KCNIP4: variants seen among roughly 807,000 people sequenced by gnomAD.
KCNIP4 encodes the protein potassium voltage-gated channel interacting protein 4.
A neutral mutation model predicts 34.0 loss-of-function variants in KCNIP4; 12 were observed. The ratio of observed to expected loss-of-function variants is 0.35; its 90% confidence interval spans 0.23 to 0.57. The LOEUF (loss-of-function observed/expected upper bound fraction) is 0.57, where lower values mean the gene tolerates loss of function less well. Ranked by LOEUF, KCNIP4 falls within the 20% of genes least tolerant of loss-of-function variation. The pLI, the probability that KCNIP4 is intolerant of heterozygous loss-of-function variation, is 0.83. For synonymous variants in KCNIP4, 124 were observed against 102.2 expected, an observed-to-expected ratio of 1.21 and a Z score of -1.29; for missense variants, 238 against 311.7, an observed-to-expected ratio of 0.76 and a Z score of 1.78.
chr4:21,503,034 T>G (rs749557864), intron 1 of KCNIP4, among the ~76,000 whole-genome samples: 21 of 152,322 alleles, frequency 1.4e-4, no homozygotes, highest in Non-Finnish European at 2.6e-4. Context: ...TCTTAGGAAC[T>G]GAGATTTATT....
intron 1 of KCNIP4, among the ~76,000 whole-genome samples, chr4:21,757,913 A>C (rs1162952654): frequency 6.6e-6 from 1 of 152,180 alleles, no homozygotes; most frequent in Non-Finnish European, 1.5e-5. Flanking sequence ...ATGAAAAGAC[A>C]TGCGTTGGTG....
chr4:21,738,139 T>TAAA (rs1716138075), intron 1 of KCNIP4, among the ~76,000 whole-genome samples: 1 of 136,482 alleles, frequency 7.3e-6, no homozygotes, highest in South Asian at 2.3e-4. Context: ...AAATAAATAA[T>TAAA]AAATAAAAGG....
At chr4:21,826,115 G>C (rs183349591) in intron 1 of KCNIP4, among the ~76,000 whole-genome samples, 2 of 152,262 alleles carry the variant, frequency 1.3e-5, no homozygotes, top group Admixed American at 1.3e-4. Flanking sequence ...TAAGGGATAA[G>C]GTTAGAAAGG....
intron 1 of KCNIP4, among the ~76,000 whole-genome samples, chr4:21,228,961 G>A (rs866545073): frequency 2.0e-5 from 3 of 152,122 alleles, no homozygotes; most frequent in Non-Finnish European, 4.4e-5. Flanking sequence ...TGGAATGTCT[G>A]TGCACGGTCA....
chr4:21,298,862 C>A (rs897774379), intron 1 of KCNIP4, among the ~76,000 whole-genome samples: 2 of 152,034 alleles, frequency 1.3e-5, no homozygotes, highest in South Asian at 2.1e-4. Flanking sequence ...TGTGGAAAAC[C>A]ATTAATGGAT....
At chr4:20,747,534 A>G (rs1238196158) in intron 5 of KCNIP4, among the ~76,000 whole-genome samples, 1 of 152,186 alleles carries the variant, frequency 6.6e-6, no homozygotes, top group African/African-American at 2.4e-5. Context: ...GGTACCCAGG[A>G]TAGTCTTCCC....
intron 1 of KCNIP4, among the ~76,000 whole-genome samples, chr4:21,386,029 A>G (rs1721996823): frequency 1.3e-5 from 2 of 152,182 alleles, no homozygotes; most frequent in South Asian, 4.1e-4. Flanking sequence ...TGTCTCTTTC[A>G]AAGGCTATAT....
At chr4:21,086,549 G>T (rs1746448707) in intron 1 of KCNIP4, among the ~76,000 whole-genome samples, 1 of 152,140 alleles carries the variant, frequency 6.6e-6, no homozygotes, top group Non-Finnish European at 1.5e-5. Context: ...TTTTTCTCAT[G>T]AAGTATAATT....
chr4:20,857,464 G>A (rs1231993955), intron 2 of KCNIP4, among the ~76,000 whole-genome samples: 1 of 149,108 alleles, frequency 6.7e-6, no homozygotes, highest in African/African-American at 2.5e-5. Flanking sequence ...CCCAGAGTGA[G>A]GTTTAATTGT....
chr4:21,460,433 G>A (rs963092503), intron 1 of KCNIP4, among the ~76,000 whole-genome samples: 5 of 151,966 alleles, frequency 3.3e-5, no homozygotes, highest in South Asian at 2.1e-4. Context: ...TTGCCATACC[G>A]AAATACCATA....
intron 1 of KCNIP4, among the ~76,000 whole-genome samples, chr4:21,657,649 T>C (rs982992596): frequency 6.6e-6 from 1 of 152,220 alleles, no homozygotes; most frequent in Non-Finnish European, 1.5e-5. Flanking sequence ...GTTGGACTTA[T>C]CTGTAAAATG....
In KCNIP4 at chr4:21,643,514, C is replaced by T. The variant is rs961752927; in HGVS notation, c.61+305057G>A. 1.6e-4 allele frequency among the ~76,000 whole-genome samples: 25 copies of T among 152,048 alleles called. No individual in the cohort carries two copies. The East Asian group carries it at 2.9e-3, about 18-fold the overall frequency. ...TGATGGTTAATTTTATATGTTAACACGGTTAAATGATGGTATCCAAATATT... is the reference window on the plus strand; with the variant it reads ...TGATGGTTAATTTTATATGTTAACATGGTTAAATGATGGTATCCAAATATT... On this transcript the variant is annotated intron_variant, in intron 1 of 8. Transcript: ENST00000382152.
At chr4:21,116,528 T>C (rs1281493817) in intron 1 of KCNIP4, among the ~76,000 whole-genome samples, 1 of 152,254 alleles carries the variant, frequency 6.6e-6, no homozygotes, top group African/African-American at 2.4e-5. Context: ...CTGGATAGCT[T>C]TTCTGTACTT....
chr4:20,754,165 A>G (rs1318829057), intron 4 of KCNIP4, among the ~76,000 whole-genome samples: 1 of 152,168 alleles, frequency 6.6e-6, no homozygotes, highest in African/African-American at 2.4e-5. Flanking sequence ...TACAGTAGGC[A>G]TACTTTATCC....
At chr4:21,765,828 A>AC (rs1214126463) in intron 1 of KCNIP4, among the ~76,000 whole-genome samples, 1 of 151,208 alleles carries the variant, frequency 6.6e-6, no homozygotes, top group Non-Finnish European at 1.5e-5. Flanking sequence ...TGAAAAAAAA[A>AC]AAAAAAAAAA....
intron 3 of KCNIP4, among the ~76,000 whole-genome samples, chr4:20,811,361 T>C (rs545696872): frequency 3.3e-5 from 5 of 152,340 alleles, no homozygotes; most frequent in Admixed American, 3.3e-4. Flanking sequence ...GTTGAAACTA[T>C]ACACATACAG....
At chr4:21,041,150 TAGTG>T (rs2149779235) in intron 1 of KCNIP4, among the ~76,000 whole-genome samples, 1 of 151,688 alleles carries the variant, frequency 6.6e-6, no homozygotes, top group East Asian at 1.9e-4. Flanking sequence ...ACACATATAA[TAGTG>T]AGGCTTTCAG....
chr4:20,775,676 T>C (rs370384995), intron 3 of KCNIP4, among the ~76,000 whole-genome samples: 4 of 152,152 alleles, frequency 2.6e-5, no homozygotes, highest in African/African-American at 9.7e-5. Flanking sequence ...TGCTGCACTC[T>C]AGCCTGGGCA....
intron 1 of KCNIP4, among the ~76,000 whole-genome samples, chr4:21,118,029 G>T (rs1157725002): frequency 6.6e-6 from 1 of 152,188 alleles, no homozygotes; most frequent in Non-Finnish European, 1.5e-5. Context: ...ATAACCTGGG[G>T]TGGGTGAGAG....
Sources: allele counts gnomAD v4.1 joint callset (sites outside exome capture counted in the v4.1 genomes callset), GRCh38; gene constraint gnomAD v4.1.1; transcripts MANE v1.5; gene names NCBI Gene and HGNC (gene_info 2026-07-23, HGNC 2026-07-21).